Variants in NES observed in about 807,000 individuals in gnomAD.
NES encodes nestin.
Under a neutral mutation model 35.6 loss-of-function variants are expected in NES, and 27 were observed. That is an observed-to-expected ratio of 0.76 (90% CI 0.56 to 1.04). The LOEUF (loss-of-function observed/expected upper bound fraction) is 1.04, where lower values mean the gene tolerates loss of function less well. Ranked by LOEUF, NES falls within the 50% of genes least tolerant of loss-of-function variation. The pLI is 0.00. For missense variants in NES, 1,867 were observed against 1,983.6 expected (o/e 0.94, Z 1.12); for synonymous variants, 822 against 824.2 (o/e 1.00, Z 0.04).
At chr1:156,675,163 C>T in intron 2 of NES, 53 bp downstream of exon 2, 1 of 1,588,518 alleles carries the variant, frequency 6.3e-7, no homozygotes, top group Non-Finnish European at 8.6e-7. Flanking sequence ...GTAGTCTGCC[C>T]CAGCATGTGT....
At position 156,671,111 on chromosome 1, in the gene NES, A is replaced by G. The variant is rs1679719056; in HGVS notation, c.3077T>C (p.Val1026Ala). 1.2e-6 allele frequency: 2 copies of G among 1,613,774 alleles called. No homozygotes were observed. The highest frequency in any genetic ancestry group is 1.7e-6 in the Non-Finnish European group (2 of 1,179,972). ...SPEPKEQRGLVEGASVKGGAE... is the reference protein window; with the variant it reads ...SPEPKEQRGLAEGASVKGGAE... The stretch of plus-strand genomic sequence containing the variant: ...CCCTCCCTTCACACTGGCTCCCTCA[A>G]CCAGGCCTCTCTGCTCTTTGGGCTC... The change falls in exon 4 of 4, where the codon GTT (valine) becomes GCT (alanine). Residue 1026 changes from valine to alanine, a missense_variant. Physicochemically the swap from Val to Ala is moderately conservative, Grantham distance 64 (BLOSUM62 0). Coordinates refer to ENST00000368223, the MANE Select transcript of NES (RefSeq NM_006617.2).
Position 156,670,550 on chromosome 1 carries a change from T to G in NES, c.3638A>C (p.Asp1213Ala), listed in dbSNP as rs140372459. 1.1e-5 allele frequency: 17 copies of G among 1,610,906 alleles called. No homozygotes were observed. In the East Asian group the frequency reaches 2.9e-4, roughly 27 times the overall value. ...WPLGSEEAEE[D>A]VPPVLVSPSP... Reference sequence around the variant, plus strand: ...GGGGGAGACCAGCACTGGTGGTACATCCTCCTCAGCTTCCTCTGACCCCAG... The same window carrying G: ...GGGGGAGACCAGCACTGGTGGTACAGCCTCCTCAGCTTCCTCTGACCCCAG... Residue 1213 changes from aspartate (D) to alanine (A), a missense_variant, in exon 4 of 4, where the codon GAT (aspartate) becomes GCT (alanine). Physicochemically the swap from Asp to Ala is moderately radical, Grantham distance 126. Transcript: ENST00000368223.
rs755403913 is a variant in NES, at chr1:156,672,543, G to A, written c.1645C>T (p.Leu549=). The A allele has an allele frequency of 2.5e-6, 4 of 1,613,756 alleles. No homozygotes were observed. The South Asian group carries it at 3.3e-5, about 13-fold the overall frequency. The change falls in exon 4 of 4, where the codon CTG becomes TTG. Residue 549 remains leucine (L), a synonymous_variant. Transcript: ENST00000368223. ...AGTGACTCTTGAATCTCCTCTCCCAGAGACTTCAGGGTTTCTTTTTCCAAA... is the reference window on the plus strand; with the variant it reads ...AGTGACTCTTGAATCTCCTCTCCCAAAGACTTCAGGGTTTCTTTTTCCAAA... The part of the protein sequence containing the change: ...VPLEKETLKS[L]GEEIQESLKT...
Position 156,676,947 on chromosome 1 carries a change from C to T in NES, c.318G>A (p.Thr106=), listed in dbSNP as rs568817091. The T allele has an allele frequency of 1.9e-6, 3 of 1,555,546 alleles. No individual in the cohort carries two copies. Among genetic ancestry groups the T allele is most frequent in the Non-Finnish European group, 2.6e-6 (3 of 1,158,720 alleles). Residue 106 remains threonine, a synonymous_variant, in exon 1 of 4, where the codon ACG becomes ACA. Transcript: ENST00000368223. The surrounding 1 kb of genome is among the most constrained non-coding windows in gnomAD (Gnocchi z 5.3). Reference sequence around the variant, plus strand: ...CGCGCCGGTTGCGGGCTACCTCCTCCGTCGTCCGCTCCCGGGCCAGCCGCA... The same window carrying T: ...CGCGCCGGTTGCGGGCTACCTCCTCTGTCGTCCGCTCCCGGGCCAGCCGCA... The part of the protein sequence containing the change: ...QQLRLARERT[T]EEVARNRRAV...
At position 156,676,765 on chromosome 1, in the gene NES, C is replaced by CCGCGGGGCGG. The variant is rs1255241814; in HGVS notation, c.490_499dup (p.Gly167AlafsTer68). On this transcript the variant is annotated frameshift_variant, in exon 1 of 4. Transcript: ENST00000368223. LOFTEE classifies it high-confidence loss of function. The surrounding 1 kb of genome is among the most constrained non-coding windows in gnomAD (Gnocchi z 5.3). ...TACCTCCGGGGCCGGCGCGGGAGGCCCGCGGGGCGGCGCGGGGCAGCGGGG... is the reference window on the plus strand; with the variant it reads ...TACCTCCGGGGCCGGCGCGGGAGGCCCGCGGGGCGGCGCGGGGCGGCGCGGGGCAGCGGGG... 9.6e-6 allele frequency: 13 copies of CCGCGGGGCGG among 1,358,592 alleles called. No individual in the cohort carries two copies. The highest frequency in any genetic ancestry group is 1.8e-5 in the South Asian group (1 of 55,042). 84.2% of individuals were successfully genotyped at this position (1,358,592 alleles called of 1,614,324 possible).
At position 156,670,044 on chromosome 1, in the gene NES, C is replaced by A. The variant is rs780662215; in HGVS notation, c.4144G>T (p.Val1382Phe). 1 of 1,613,946 alleles carries A rather than the reference C, an allele frequency of 6.2e-7. No individual in the cohort carries two copies. Among genetic ancestry groups the A allele is most frequent in the African/African-American group, 1.3e-5 (1 of 74,922 alleles). ...LGTEAPFLPG[V>F]PGEVAEPLGQ... The stretch of plus-strand genomic sequence containing the variant: ...AGAGGTTCTGCCACCTCCCCAGGGA[C>A]CCCAGGAAGAAAAGGTGCCTCAGTC... Residue 1382 changes from valine (V) to phenylalanine (F), a missense_variant, in exon 4 of 4, where the codon GTC (valine) becomes TTC (phenylalanine). Val to Phe is a conservative substitution (Grantham distance 50). Transcript: ENST00000368223.
rs774286204 is a variant in NES at position 156,677,137 on chromosome 1, A to G, written c.128T>C (p.Leu43Pro). The stretch of plus-strand genomic sequence containing the variant: ...GGAGGTGTCCGCGGATTGTGCCCGG[A>G]GCCCCCCGAGCTCCGCGCTGAGCAG... ...NELLSAELGG[L>P]RAQSADTSWR... The change falls in exon 1 of 4, where the codon CTC becomes CCC. Residue 43 changes from leucine to proline, a missense_variant. Leu to Pro is a moderately conservative substitution (Grantham distance 98, BLOSUM62 -3). Transcript: ENST00000368223. The surrounding 1 kb of genome is among the most constrained non-coding windows in gnomAD (Gnocchi z 4.5). 4 of 1,609,268 alleles carry G rather than the reference A, an allele frequency of 2.5e-6. No individual in the cohort carries two copies. In the South Asian group the frequency reaches 3.3e-5, roughly 13 times the overall value.
chr1:156,669,861 C>G lies in NES; in HGVS notation c.4327G>C (p.Val1443Leu). The change falls in exon 4 of 4, where the codon GTT becomes CTT. Residue 1443 changes from valine to leucine, a missense_variant. Coordinates refer to ENST00000368223, the MANE Select transcript of NES (RefSeq NM_006617.2). ...GAGRWGPGSS[V>L]GSLQALSSSQ... ...CTACTCAGGGCCTGGAGGCTGCCAA[C>G]AGAAGACCCTGGCCCCCACCGCCCA... is the stretch of plus-strand genomic sequence containing the variant. 1 of 1,613,830 alleles carries G rather than the reference C, an allele frequency of 6.2e-7. No homozygotes were observed. Among genetic ancestry groups the G allele is most frequent in the South Asian group, 1.1e-5 (1 of 91,058 alleles).
Position 156,673,502 on chromosome 1 carries a change from G to A in NES, c.934C>T (p.Arg312Trp), listed in dbSNP as rs1339676591. The change falls in exon 3 of 4, where the codon CGG (arginine) becomes TGG (tryptophan). Residue 312 changes from arginine (R) to tryptophan (W), a missense_variant. Arg to Trp is a moderately radical substitution (Grantham distance 101, BLOSUM62 -3). Coordinates refer to ENST00000368223, the MANE Select transcript of NES (RefSeq NM_006617.2). Reference protein sequence around the residue: ...YRTLLEAENSRLQTPGGGSKT... With the variant: ...YRTLLEAENSWLQTPGGGSKT... ...GAGCCACCGCCAGGTGTTTGCAGCCGGGAGTTCTCAGCCTCCAGGAGGGTC... is the reference window on the plus strand; with the variant it reads ...GAGCCACCGCCAGGTGTTTGCAGCCAGGAGTTCTCAGCCTCCAGGAGGGTC... 9.3e-6 allele frequency: 15 copies of A among 1,612,738 alleles called. No individual in the cohort carries two copies. Among genetic ancestry groups the A allele is most frequent in the East Asian group, 4.5e-5 (2 of 44,862 alleles).
At position 156,673,540 on chromosome 1, in the gene NES, G is replaced by C; in HGVS notation, c.909-13C>G. Reference sequence around the variant, plus strand: ...CTCCAGGAGGGTCCTGGAGAGGACAGAGGGAAAGTGGGGTCAGCCCTCTGC... The same window carrying C: ...CTCCAGGAGGGTCCTGGAGAGGACACAGGGAAAGTGGGGTCAGCCCTCTGC... On this transcript the variant is annotated splice_polypyrimidine_tract_variant and intron_variant, in intron 2 of 3. Transcript: ENST00000368223. 1.3e-6 allele frequency: 2 copies of C among 1,597,942 alleles called. No individual in the cohort carries two copies. Among genetic ancestry groups the C allele is most frequent in the Non-Finnish European group, 1.7e-6 (2 of 1,168,194 alleles).
chr1:156,673,941 G>C (rs186267012), intron 2 of NES, among the ~76,000 whole-genome samples: 22 of 152,342 alleles, frequency 1.4e-4, no homozygotes, highest in African/African-American at 5.1e-4. Flanking sequence ...CTGAGAAGGA[G>C]AGGATTCTGG....
intron 2 of NES, among the ~76,000 whole-genome samples, chr1:156,674,317 ATC>A (rs1451536224): frequency 6.6e-6 from 1 of 151,996 alleles, no homozygotes; most frequent in East Asian, 1.9e-4. Flanking sequence ...TTGCTCCATG[ATC>A]TCTGAGTCTG....
chr1:156,675,455 A>T, intron 1 of NES, 115 bp from the exon 2 acceptor site: 1 of 1,284,594 alleles, frequency 7.8e-7, no homozygotes, highest in Non-Finnish European at 1.1e-6. Context: ...TGGCTGACTT[A>T]TCTGTGTAGC....
rs1679754458 is a variant in NES at position 156,672,361 on chromosome 1, C to G, written c.1827G>C (p.Glu609Asp). ...DVEVVRPLEK[E>D]AVGQLKPTGK... ...CTGTAGGCTTAAGTTGGCCTACAGCCTCTTTTTCTAGAGGTCTCACTACCT... is the reference window on the plus strand; with the variant it reads ...CTGTAGGCTTAAGTTGGCCTACAGCGTCTTTTTCTAGAGGTCTCACTACCT... Residue 609 changes from glutamate to aspartate, a missense_variant, in exon 4 of 4, where the codon GAG becomes GAC. Glu to Asp is a conservative substitution (Grantham distance 45). Transcript: ENST00000368223. 2.2e-5 allele frequency: 36 copies of G among 1,613,086 alleles called. No homozygotes were observed. Among genetic ancestry groups the G allele is most frequent in the Non-Finnish European group, 2.9e-5 (34 of 1,179,916 alleles).
Position 156,670,597 on chromosome 1 carries a change from A to G in NES, c.3591T>C (p.Ser1197=). 1 of 1,613,482 alleles carries G rather than the reference A, an allele frequency of 6.2e-7. No individual in the cohort carries two copies. Among genetic ancestry groups the G allele is most frequent in the Admixed American group, 1.7e-5 (1 of 60,002 alleles). Residue 1197 remains serine, a synonymous_variant, in exon 4 of 4, where the codon AGT becomes AGC. Transcript: ENST00000368223. ...CCAGAGGCCAAGGTGAAGGGGCATC[A>G]CTTCCAGTGTGGCCCAGGGTCTCAG... The part of the protein sequence containing the change: ...FPAETLGHTG[S]DAPSPWPLGS...
chr1:156,669,974 C>T lies in NES; in HGVS notation c.4214G>A (p.Arg1405Gln), dbSNP rs763634662. 25 of 1,613,746 alleles carry T rather than the reference C, an allele frequency of 1.5e-5. No homozygotes were observed. Among genetic ancestry groups the T allele is most frequent in the South Asian group, 2.2e-5 (2 of 91,064 alleles). The change falls in exon 4 of 4, where the codon CGA becomes CAA. Residue 1405 changes from arginine to glutamine, a missense_variant. Transcript: ENST00000368223. ...TGCAAACCCATCGGACTCCCCATCT[C>T]GATCCCAGGCTGCAGGATCCAGTAG... The part of the protein sequence containing the change: ...QLLLDPAAWD[R>Q]DGESDGFADE...
chr1:156,670,363 G>T lies in NES; in HGVS notation c.3825C>A (p.Pro1275=), dbSNP rs1276517799. 6.2e-7 allele frequency: 1 copy of T among 1,608,420 alleles called. No homozygotes were observed. The highest frequency in any genetic ancestry group is 2.2e-5 in the East Asian group (1 of 44,830). The change falls in exon 4 of 4, where the codon CCC becomes CCA. Residue 1275 remains proline, a synonymous_variant. Transcript: ENST00000368223. ...ELGSGEIPEG[P]QEEGEESREE... ...CTCTGCTCTCCTCCCCTTCCTCCTG[G>T]GGGCCCTCGGGGATCTCCCCAGAAC...
At position 156,670,246 on chromosome 1, in the gene NES, G is replaced by A; in HGVS notation, c.3942C>T (p.Asp1314=). ...YLRSPTSPRW[D]PTGEQRPPPQ... is the part of the protein sequence containing the mutation. Reference sequence around the variant, plus strand: ...GGGGTGGCCTCTGCTCTCCAGTGGGGTCCCACCTGGGGGAGGTGGGGGACC... The same window carrying A: ...GGGGTGGCCTCTGCTCTCCAGTGGGATCCCACCTGGGGGAGGTGGGGGACC... Residue 1314 remains aspartate (D), a synonymous_variant, in exon 4 of 4, where the codon GAC becomes GAT. Transcript: ENST00000368223. 1 of 1,612,976 alleles carries A rather than the reference G, an allele frequency of 6.2e-7. No individual in the cohort carries two copies.
Position 156,671,635 on chromosome 1 carries a change from A to T in NES, c.2553T>A (p.Thr851=). 6.2e-7 allele frequency: 1 copy of T among 1,613,946 alleles called. No homozygotes were observed. The change falls in exon 4 of 4, where the codon ACT becomes ACA. Residue 851 remains threonine (T), a synonymous_variant. Coordinates refer to ENST00000368223, the MANE Select transcript of NES (RefSeq NM_006617.2). Reference sequence around the variant, plus strand: ...TTGCCCCCTGATTTATTTCTTCTGGAGTCCACAGTGGTGCTTGAGTTTCTG... The same window carrying T: ...TTGCCCCCTGATTTATTTCTTCTGGTGTCCACAGTGGTGCTTGAGTTTCTG... ...KSPETQAPLW[T]PEEINQGAMN...
Sources: allele counts gnomAD v4.1 joint callset (sites outside exome capture counted in the v4.1 genomes callset), GRCh38; gene constraint gnomAD v4.1.1; non-coding constraint Gnocchi (gnomAD v3.1); transcripts MANE v1.5; gene names NCBI Gene and HGNC (gene_info 2026-07-23, HGNC 2026-07-21).